Variants in PCDH15 observed in about 807,000 individuals in gnomAD.
The protein encoded by PCDH15 is protocadherin related 15.
A neutral mutation model predicts 178.5 loss-of-function variants in PCDH15; 129 were observed. The observed-to-expected ratio is 0.72, with a 90% CI of 0.63 to 0.84. The LOEUF is 0.84. Among genes scored for constraint, PCDH15 ranks in the 40% least tolerant of loss-of-function variants. The pLI is 0.00. For synonymous variants in PCDH15, 800 were observed against 732.0 expected, an observed-to-expected ratio of 1.09 and a Z score of -1.50; for missense variants, 2,230 against 2,099.9, an observed-to-expected ratio of 1.06 and a Z score of -1.21.
chr10:54,290,461 T>C (rs996910579), intron 8 of PCDH15, among the ~76,000 whole-genome samples: 12 of 152,310 alleles, frequency 7.9e-5, no homozygotes, highest in African/African-American at 2.6e-4. Flanking sequence ...GTAAAGACCA[T>C]GGATGCTATG....
chr10:55,045,503 G>A (rs1171293100), intron 2 of PCDH15, among the ~76,000 whole-genome samples: 2 of 152,050 alleles, frequency 1.3e-5, no homozygotes, highest in Non-Finnish European at 2.9e-5. Flanking sequence ...ATCTTTGTGG[G>A]TACACAATCA....
intron 3 of PCDH15, among the ~76,000 whole-genome samples, chr10:54,438,409 T>A (rs2136116046): frequency 6.6e-6 from 1 of 152,136 alleles, no homozygotes; most frequent in East Asian, 1.9e-4. Flanking sequence ...CTGAGTAATT[T>A]GTTCTCCTGC....
rs558656413 is a variant in PCDH15 at position 54,638,710 on chromosome 10, T to G, written c.91+25462A>C. Among the ~76,000 whole-genome samples, 6 of 152,152 alleles carry G rather than the reference T, an allele frequency of 3.9e-5. No homozygotes were observed. In the East Asian group the frequency reaches 1.2e-3, roughly 29 times the overall value. ...TATCTACTCAAAGAAAAAGAAATCA[T>G]TATATAAAAAAGACACATACACATG... On this transcript the variant is annotated intron_variant, in intron 2 of 37. Coordinates refer to ENST00000644397, the MANE Select transcript of PCDH15 (RefSeq NM_001384140.1).
chr10:54,836,396 C>T (rs989739944), intron 3 of PCDH15, among the ~76,000 whole-genome samples: 1 of 152,080 alleles, frequency 6.6e-6, no homozygotes, highest in African/African-American at 2.4e-5. Flanking sequence ...CACCCACACC[C>T]ACACTCATAG....
chr10:54,932,441 TA>T (rs1396478333), intron 2 of PCDH15, among the ~76,000 whole-genome samples: 6 of 152,196 alleles, frequency 3.9e-5, no homozygotes, highest in Non-Finnish European at 5.9e-5. Context: ...TTGCAAAGAT[TA>T]AAAAATGTTA....
chr10:55,063,417 G>A (rs11004717), intron 2 of PCDH15, among the ~76,000 whole-genome samples: 1 of 151,916 alleles, frequency 6.6e-6, no homozygotes. Context: ...TTGTCAGGGT[G>A]GTAGTGAGAA....
chr10:54,606,914 C>T (rs945621831), intron 2 of PCDH15: 4 of 152,080 alleles, frequency 2.6e-5, no homozygotes, highest in Non-Finnish European at 5.9e-5. Context: ...GATCTGTCTT[C>T]TGTTTCACAT....
intron 2 of PCDH15, among the ~76,000 whole-genome samples, chr10:55,024,755 T>G (rs1840432034): frequency 6.6e-6 from 1 of 152,192 alleles, no homozygotes; most frequent in Non-Finnish European, 1.5e-5. Flanking sequence ...CCATCAGCTC[T>G]ACCTTTATAC....
intron 2 of PCDH15, among the ~76,000 whole-genome samples, chr10:54,542,863 C>T (rs1468869689): frequency 6.6e-6 from 1 of 152,162 alleles, no homozygotes; most frequent in Non-Finnish European, 1.5e-5. Flanking sequence ...CAAGACCACC[C>T]TGGCCTGCCA....
chr10:53,918,183 C>T (rs2083687079), intron 25 of PCDH15, among the ~76,000 whole-genome samples: 1 of 152,172 alleles, frequency 6.6e-6, no homozygotes, highest in South Asian at 2.1e-4. Context: ...GTGCGTTACT[C>T]TTTCTTGAAG....
intron 2 of PCDH15, among the ~76,000 whole-genome samples, chr10:55,369,829 G>T (rs909458662): frequency 3.3e-5 from 5 of 151,824 alleles, no homozygotes; most frequent in Non-Finnish European, 5.9e-5. Context: ...ATGAAAAAAA[G>T]AATATTAATA....
intron 14 of PCDH15, among the ~76,000 whole-genome samples, chr10:54,148,844 T>G (rs968593201): frequency 2.6e-5 from 4 of 152,002 alleles, no homozygotes; most frequent in Non-Finnish European, 5.9e-5. Context: ...CCCTAAAATC[T>G]GCCTCCCACA....
chr10:54,572,727 T>C (rs757361066), intron 2 of PCDH15, among the ~76,000 whole-genome samples: 26 of 152,142 alleles, frequency 1.7e-4, no homozygotes, highest in Non-Finnish European at 3.7e-4. Context: ...TTCACTAGGT[T>C]AATAGATTAA....
At chr10:55,264,941 C>G (rs987676501) in intron 1 of PCDH15, among the ~76,000 whole-genome samples, 7 of 152,114 alleles carry the variant, frequency 4.6e-5, no homozygotes, top group African/African-American at 1.7e-4. Context: ...GTAAGATTGA[C>G]CCAGCCCTCC....
At chr10:54,765,629 G>C (rs2133200581) in intron 1 of PCDH15, among the ~76,000 whole-genome samples, 1 of 152,122 alleles carries the variant, frequency 6.6e-6, no homozygotes, top group East Asian at 1.9e-4. Flanking sequence ...AATACCTAAT[G>C]ACCTTCTACA....
chr10:54,139,698 T>A (rs1184625103), intron 14 of PCDH15, among the ~76,000 whole-genome samples: 1 of 152,068 alleles, frequency 6.6e-6, no homozygotes, highest in Non-Finnish European at 1.5e-5. Flanking sequence ...AATCTGTTTG[T>A]CTAGTTCAGA....
intron 8 of PCDH15, among the ~76,000 whole-genome samples, chr10:54,306,577 T>C (rs2060485166): frequency 6.6e-6 from 1 of 151,974 alleles, no homozygotes; most frequent in East Asian, 1.9e-4. Flanking sequence ...ATATCATAGA[T>C]CCAAAGTCCA....
rs539355435 is a variant in PCDH15 at position 54,183,734 on chromosome 10, C to T, written c.1441-141G>A. The T allele has an allele frequency of 1.5e-3, 1,322 of 882,222 alleles. 3 individuals carry two copies. Among genetic ancestry groups the T allele is most frequent in the Non-Finnish European group, 1.9e-3 (1,042 of 547,492 alleles). The allele number at this position is 882,222 out of a possible 1,614,324, so 54.6% of individuals were successfully genotyped here. A position where few individuals can be genotyped will look rare whatever the true frequency, so the allele number is the denominator to read the frequency against. The stretch of plus-strand genomic sequence containing the variant: ...CAAAAATATTTTGTTGATAAAAGGA[C>T]GTAATAGAGACGTAATATTACATAT... On this transcript the variant is annotated intron_variant, in intron 12 of 37. Coordinates refer to ENST00000644397, the MANE Select transcript of PCDH15 (RefSeq NM_001384140.1).
At chr10:55,179,901 A>G (rs1839595040) in intron 1 of PCDH15, among the ~76,000 whole-genome samples, 1 of 152,064 alleles carries the variant, frequency 6.6e-6, no homozygotes, top group Admixed American at 6.6e-5. Context: ...AACCTGCAAC[A>G]GTAGCAGTAA....
Sources: gnomAD v4.1 joint callset for allele counts (sites outside exome capture counted in the v4.1 genomes callset) on GRCh38, gnomAD v4.1.1 for gene constraint, MANE v1.5 for transcripts, NCBI Gene and HGNC (gene_info 2026-07-23, HGNC 2026-07-21) for gene names.